The following PCDHA6 variants were observed in gnomAD, a reference collection of about 807,000 sequenced individuals.
The protein encoded by PCDHA6 is protocadherin alpha-6.
In PCDHA6, 55 loss-of-function variants were observed where a neutral mutation model predicts 60.3. The ratio of observed to expected loss-of-function variants is 0.91; its 90% CI spans 0.73 to 1.14. The LOEUF (loss-of-function observed/expected upper bound fraction) is 1.14, where lower values mean the gene tolerates loss of function less well. Ranked by LOEUF, PCDHA6 falls within the 50% of genes most tolerant of loss-of-function variation. The pLI is 0.00. For missense variants in PCDHA6, 1,327 were observed against 1,256.5 expected, an observed-to-expected ratio of 1.06 and a Z score of -0.85; for synonymous variants, 652 against 557.9, an observed-to-expected ratio of 1.17 and a Z score of -2.38.
chr5:140,946,199 A>G (rs1300104764), intron 1 of PCDHA6, among the ~76,000 whole-genome samples: 10 of 151,964 alleles, frequency 6.6e-5, no homozygotes, highest in Admixed American at 5.2e-4. Context: ...CTCAAAAGAA[A>G]GCACACAAAT....
rs1015706913 is a variant in PCDHA6, at chr5:140,985,292, T to C, written c.2542+2729T>C. 2.0e-5 allele frequency among the ~76,000 whole-genome samples: 3 copies of C among 152,294 alleles called. No homozygotes were observed. The East Asian group carries it at 5.8e-4, about 29-fold the overall frequency. ...TACTTTTCTGCAATCTATGATATAG[T>C]GTTGGCTGATAGCCTGGTGGCCAGA... On this transcript the variant is annotated intron_variant, in intron 3 of 3. Transcript: ENST00000529310.
intron 1 of PCDHA6, among the ~76,000 whole-genome samples, chr5:140,944,732 G>A (rs1351639657): frequency 6.6e-6 from 1 of 152,142 alleles, no homozygotes; most frequent in Non-Finnish European, 1.5e-5. Context: ...ACCTTAGTAA[G>A]TCTGAGCATT....
At position 140,979,482 on chromosome 5, in the gene PCDHA6, C is replaced by A. The variant is rs568650143; in HGVS notation, c.2453+475C>A. On this transcript the variant is annotated intron_variant, in intron 2 of 3. Coordinates refer to ENST00000529310, the MANE Select transcript of PCDHA6 (RefSeq NM_018909.4). Reference sequence around the variant, plus strand: ...ATTGATTGCTATTGTTGTTTGTGTTCACACCTATTAGAGCCTCCTCATCTT... The same window carrying A: ...ATTGATTGCTATTGTTGTTTGTGTTAACACCTATTAGAGCCTCCTCATCTT... Among the ~76,000 whole-genome samples, 6 of 152,068 alleles carry A rather than the reference C, an allele frequency of 3.9e-5. No homozygotes were observed. In the South Asian group the frequency reaches 1.0e-3, roughly 26 times the overall value.
chr5:140,865,572 A>T (rs2048923193), intron 1 of PCDHA6: 1 of 152,224 alleles, frequency 6.6e-6, no homozygotes, highest in African/African-American at 2.4e-5. Context: ...TCAGTAACTC[A>T]TGATAATAAA....
chr5:140,986,413 C>G (rs2097199513), intron 3 of PCDHA6, among the ~76,000 whole-genome samples: 1 of 152,156 alleles, frequency 6.6e-6, no homozygotes, highest in African/African-American at 2.4e-5. Context: ...TGTTACAGCT[C>G]TTTTTAACTT....
In PCDHA6 at chr5:140,999,156, C is replaced by T. The variant is rs533302480; in HGVS notation, c.2543-10471C>T. On this transcript the variant is annotated intron_variant, in intron 3 of 3. Transcript: ENST00000529310. ...GTCACAGCCGGAAGTCTTCAGTCCCCTAGAAGGAAAAGAGCCTGATGGGGA... is the reference window on the plus strand; with the variant it reads ...GTCACAGCCGGAAGTCTTCAGTCCCTTAGAAGGAAAAGAGCCTGATGGGGA... 4.6e-5 allele frequency among the ~76,000 whole-genome samples: 7 copies of T among 152,280 alleles called. No individual in the cohort carries two copies. In the East Asian group the frequency reaches 1.4e-3, roughly 29 times the overall value.
At chr5:140,928,536 GA>G (rs782686789) in intron 1 of PCDHA6, 1 of 1,614,228 alleles carries the variant, frequency 6.2e-7, no homozygotes, top group Non-Finnish European at 8.5e-7. Context: ...TGGTAGATAG[GA>G]ATGACAATTA....
intron 1 of PCDHA6, chr5:140,843,236 G>A (rs1778700503): frequency 6.3e-7 from 1 of 1,595,846 alleles, no homozygotes; most frequent in Non-Finnish European, 8.6e-7. Flanking sequence ...TGTCCTGGAC[G>A]AAGCGGACTC....
At chr5:140,870,659 T>C (rs2052268691) in intron 1 of PCDHA6, 2 of 1,612,520 alleles carry the variant, frequency 1.2e-6, no homozygotes, top group Non-Finnish European at 1.7e-6. Flanking sequence ...GTGTACGCGC[T>C]GCAGCCGTTG....
At chr5:140,877,374 A>C in intron 1 of PCDHA6, 1 of 1,613,970 alleles carries the variant, frequency 6.2e-7, no homozygotes, top group Non-Finnish European at 8.5e-7. Context: ...TCAGCACGAC[A>C]CGCATCCTGG....
At chr5:140,871,651 T>C (rs1415489448) in intron 1 of PCDHA6, 20 of 1,258,470 alleles carry the variant, frequency 1.6e-5, no homozygotes, top group Non-Finnish European at 1.9e-5. Flanking sequence ...TACCAAATGA[T>C]ACACATCTTC....
chr5:140,918,632 C>A (rs1182828125), intron 1 of PCDHA6, among the ~76,000 whole-genome samples: 1 of 152,164 alleles, frequency 6.6e-6, no homozygotes, highest in Non-Finnish European at 1.5e-5. Flanking sequence ...TCCCCAAATT[C>A]ATAAATTGAA....
intron 1 of PCDHA6, chr5:140,858,307 G>T: frequency 6.3e-7 from 1 of 1,597,292 alleles, no homozygotes; most frequent in Non-Finnish European, 8.6e-7. Flanking sequence ...AGCAGAGGCG[G>T]CAGAGGGTGT....
intron 1 of PCDHA6, among the ~76,000 whole-genome samples, chr5:140,917,183 A>T (rs2077937210): frequency 6.6e-6 from 1 of 152,132 alleles, no homozygotes; most frequent in African/African-American, 2.4e-5. Flanking sequence ...GTGATCCCAG[A>T]GTGTCTCTCC....
intron 1 of PCDHA6, among the ~76,000 whole-genome samples, chr5:140,960,594 G>A (rs1341832093): frequency 6.6e-6 from 1 of 152,042 alleles, no homozygotes; most frequent in African/African-American, 2.4e-5. Flanking sequence ...CAAATTCAAG[G>A]TACTTCAACA....
At chr5:140,968,355 G>A in intron 1 of PCDHA6, 1 of 1,614,080 alleles carries the variant, frequency 6.2e-7, no homozygotes, top group South Asian at 1.1e-5. Context: ...GCCAGTGGCA[G>A]CCTTTATGCT....
intron 1 of PCDHA6, among the ~76,000 whole-genome samples, chr5:140,931,932 T>C (rs1163129550): frequency 6.6e-6 from 1 of 151,986 alleles, no homozygotes; most frequent in South Asian, 2.1e-4. Context: ...ATGATTATAA[T>C]GTGTGTCTGA....
intron 3 of PCDHA6, among the ~76,000 whole-genome samples, chr5:140,996,335 T>G (rs887353118): frequency 1.3e-5 from 2 of 152,202 alleles, no homozygotes; most frequent in African/African-American, 4.8e-5. Flanking sequence ...AAGAAAAGTT[T>G]GAAAACCCAA....
At chr5:140,888,593 A>C (rs1165427237) in intron 1 of PCDHA6, among the ~76,000 whole-genome samples, 1 of 152,256 alleles carries the variant, frequency 6.6e-6, no homozygotes, top group Admixed American at 6.5e-5. Context: ...GTACACATTC[A>C]GAGCAGCTTT....
Sources: allele counts gnomAD v4.1 joint callset (sites outside exome capture counted in the v4.1 genomes callset), GRCh38; gene constraint gnomAD v4.1.1; transcripts MANE v1.5; gene names NCBI Gene and HGNC (gene_info 2026-07-23, HGNC 2026-07-21).